MS4A4A: variants seen among roughly 807,000 people sequenced by gnomAD.
The protein encoded by MS4A4A is membrane spanning 4-domains A4A.
Under a neutral mutation model 28.0 loss-of-function variants are expected in MS4A4A, and 26 were observed. The ratio of observed to expected loss-of-function variants is 0.93; its 90% CI spans 0.68 to 1.29. The LOEUF is 1.29. Among genes scored for constraint, MS4A4A ranks in the 50% most tolerant of loss-of-function variants. The pLI is 0.00. For missense variants in MS4A4A, 290 were observed against 293.1 expected (o/e 0.99, Z 0.08); for synonymous variants, 86 against 100.8 (o/e 0.85, Z 0.88).
chr11:60,305,614 A>C (rs1000951239), intron 5 of MS4A4A: 1 of 153,690 alleles, frequency 6.5e-6, no homozygotes, highest in Non-Finnish European at 1.4e-5. Flanking sequence ...TATATCAGCT[A>C]ATAAGCAATC....
Position 60,294,892 on chromosome 11 carries a change from A to ACTACTT in MS4A4A, c.202-2303_202-2302insACTTCT, listed in dbSNP as rs60374079. ...GGGTAGTGTTAGTCCTACAACTACT[A>ACTACTT]CTTCTTCTTCTTCTTCTTCTTCTTC... is the stretch of plus-strand genomic sequence containing the variant. On this transcript the variant is annotated intron_variant, in intron 2 of 6. Transcript: ENST00000337908. 3.5e-3 allele frequency among the ~76,000 whole-genome samples: 455 copies of ACTACTT among 130,930 alleles called. 4 individuals are homozygous for ACTACTT. The highest frequency in any genetic ancestry group is 0.01 in the African/African-American group (364 of 34,784). The allele number at this position is 130,930 out of a possible 152,430, so 85.9% of individuals were successfully genotyped here.
intron 6 of MS4A4A, 132 bp from the exon 7 acceptor site, chr11:60,307,975 A>T: frequency 1.2e-6 from 1 of 811,794 alleles, no homozygotes; most frequent in Non-Finnish European, 2.1e-6. Context: ...GAGAAACCCC[A>T]CATACTTGAT....
intron 2 of MS4A4A, 76 bp downstream of exon 2, chr11:60,292,460 T>C (rs2084866172): frequency 7.1e-7 from 1 of 1,415,046 alleles, no homozygotes; most frequent in Non-Finnish European, 9.4e-7. Context: ...AAATACACTG[T>C]CCCACTAGCC....
At position 60,303,423 on chromosome 11, in the gene MS4A4A, C is replaced by G. The variant is rs374216371; in HGVS notation, c.546+706C>G. Among the ~76,000 whole-genome samples the G allele has an allele frequency of 1.4e-4, 21 of 152,118 alleles. No individual in the cohort carries two copies. The South Asian group carries it at 3.9e-3, about 29-fold the overall frequency. On this transcript the variant is annotated intron_variant, in intron 5 of 6. Transcript: ENST00000337908. ...CAATTAAATCTTTATTATTAAAAAG[C>G]CTGGCAGGGCGCAGTGGCTCACGCC...
At chr11:60,281,164 A>T (rs141525150) in intron 1 of MS4A4A, among the ~76,000 whole-genome samples, 184 of 152,232 alleles carry the variant, frequency 1.2e-3, no homozygotes, top group African/African-American at 4.0e-3. Context: ...GTGTACATGG[A>T]GTAGGGCACA....
At chr11:60,302,499 T>G (rs2084960401) in intron 4 of MS4A4A, 60 bp from the exon 5 acceptor site, 1 of 1,528,972 alleles carries the variant, frequency 6.5e-7, no homozygotes, top group Non-Finnish European at 9.0e-7. Context: ...GTAAAGTGAT[T>G]CATGGAGATA....
At chr11:60,287,968 C>G (rs2084817271) in intron 1 of MS4A4A, among the ~76,000 whole-genome samples, 1 of 152,194 alleles carries the variant, frequency 6.6e-6, no homozygotes, top group African/African-American at 2.4e-5. Flanking sequence ...GGCCCTCAGA[C>G]AGTCCTGCTC....
At chr11:60,302,414 A>C (rs913187322) in intron 4 of MS4A4A, 145 bp from the exon 5 acceptor site, 1 of 830,196 alleles carries the variant, frequency 1.2e-6, no homozygotes, top group Admixed American at 3.0e-5. Context: ...TTAGAGTTGA[A>C]ACCACAAGAC....
chr11:60,290,691 A>G (rs1014533112), intron 1 of MS4A4A, among the ~76,000 whole-genome samples: 1 of 151,776 alleles, frequency 6.6e-6, no homozygotes, highest in African/African-American at 2.4e-5. Flanking sequence ...ATACATTACT[A>G]AAGTTAAATT....
chr11:60,299,133 A>C (rs766033190), intron 3 of MS4A4A, among the ~76,000 whole-genome samples: 2 of 152,230 alleles, frequency 1.3e-5, no homozygotes, highest in Non-Finnish European at 2.9e-5. Flanking sequence ...ATGTGTATAT[A>C]TAATTTCTGT....
chr11:60,299,823 G>C (rs2084936881), intron 3 of MS4A4A, among the ~76,000 whole-genome samples: 2 of 152,226 alleles, frequency 1.3e-5, no homozygotes, highest in South Asian at 4.1e-4. Context: ...TGTATTAAAT[G>C]TCCTAGCCTA....
intron 2 of MS4A4A, among the ~76,000 whole-genome samples, chr11:60,293,430 C>G (rs899346440): frequency 2.0e-5 from 3 of 152,268 alleles, no homozygotes; most frequent in East Asian, 3.9e-4. Flanking sequence ...ATCCCATATG[C>G]CCCTTGCCCC....
intron 5 of MS4A4A, among the ~76,000 whole-genome samples, chr11:60,304,027 C>T (rs924258105): frequency 2.7e-4 from 41 of 152,278 alleles, no homozygotes; most frequent in Non-Finnish European, 5.3e-4. Context: ...AGCAATTTTA[C>T]TTCTTGCCAC....
intron 4 of MS4A4A, 26 bp from the exon 5 acceptor site, chr11:60,302,533 T>C: frequency 1.2e-6 from 2 of 1,611,686 alleles, no homozygotes; most frequent in Non-Finnish European, 1.7e-6. Context: ...TGTTGGATTG[T>C]TTAATTGATT....
intron 5 of MS4A4A, among the ~76,000 whole-genome samples, chr11:60,304,762 G>T (rs138199453): frequency 6.6e-6 from 1 of 152,140 alleles, no homozygotes. Flanking sequence ...CCTTATGGTC[G>T]GCAAAATCTA....
chr11:60,292,094 T>A, intron 1 of MS4A4A, 131 bp from the exon 2 acceptor site: 1 of 1,160,468 alleles, frequency 8.6e-7, no homozygotes, highest in Non-Finnish European at 1.1e-6. Flanking sequence ...CTTCCCCAGC[T>A]CTAACAGCTA....
chr11:60,292,482 C>T (rs1228113151), intron 2 of MS4A4A, 98 bp downstream of exon 2: 1 of 1,248,374 alleles, frequency 8.0e-7, no homozygotes, highest in Non-Finnish European at 1.1e-6. Flanking sequence ...CATAATACAA[C>T]AGCCAACCCT....
chr11:60,308,201 A>G lies in MS4A4A; in HGVS notation c.*23A>G. 1 of 1,607,690 alleles carries G rather than the reference A, an allele frequency of 6.2e-7. No homozygotes were observed. The highest frequency in any genetic ancestry group is 8.5e-7 in the Non-Finnish European group (1 of 1,174,174). On this transcript the variant is annotated 3_prime_UTR_variant, in exon 7 of 7. Coordinates refer to ENST00000337908, the MANE Select transcript of MS4A4A (RefSeq NM_148975.3). The stretch of plus-strand genomic sequence containing the variant: ...TGAGGCCACCAAAAGATCAACAGAC[A>G]AATGCTCCAGAAATCTATGCTGACT...
intron 4 of MS4A4A, among the ~76,000 whole-genome samples, chr11:60,301,709 C>A (rs2135029963): frequency 6.6e-6 from 1 of 152,272 alleles, no homozygotes; most frequent in Middle Eastern, 3.4e-3. Flanking sequence ...CCGGCTGCAG[C>A]CACATTACTC....
Sources: gnomAD v4.1 joint callset for allele counts (sites outside exome capture counted in the v4.1 genomes callset) on GRCh38, gnomAD v4.1.1 for gene constraint, MANE v1.5 for transcripts, NCBI Gene and HGNC (gene_info 2026-07-23, HGNC 2026-07-21) for gene names.